Variants in TEX2 observed in about 807,000 individuals in gnomAD.
TEX2 encodes testis-expressed protein 2.
In TEX2, 53 loss-of-function variants were observed where a neutral mutation model predicts 106.9. The observed-to-expected ratio is 0.50, with a 90% CI of 0.40 to 0.62. The LOEUF (loss-of-function observed/expected upper bound fraction) is 0.62, where lower values mean the gene tolerates loss of function less well. Among genes scored for constraint, TEX2 ranks in the 20% least tolerant of loss-of-function variants. TEX2 has a pLI of 0.00. For synonymous variants in TEX2, 523 were observed against 534.8 expected, an observed-to-expected ratio of 0.98 and a Z score of 0.30; for missense variants, 1,207 against 1,379.0, an observed-to-expected ratio of 0.88 and a Z score of 1.98.
intron 1 of TEX2, chr17:64,242,422 T>C (rs1354866730): frequency 6.6e-6 from 1 of 152,124 alleles, no homozygotes; most frequent in Non-Finnish European, 1.5e-5. Context: ...TCTAATCCAG[T>C]TGCTGTAACA....
intron 1 of TEX2, among the ~76,000 whole-genome samples, chr17:64,239,424 G>A (rs1174401753): frequency 6.6e-6 from 1 of 152,044 alleles, no homozygotes; most frequent in African/African-American, 2.4e-5. Context: ...ATAACTGTTC[G>A]CAGAATTTAG....
In TEX2 at chr17:64,148,032, AAG is replaced by A. The variant is rs1195934542; in HGVS notation, c.*935_*936del. On this transcript the variant is annotated 3_prime_UTR_variant, in exon 12 of 12. Coordinates refer to ENST00000584379, the MANE Select transcript of TEX2 (RefSeq NM_001288732.2). Reference sequence around the variant, plus strand: ...TTGGTCTTGACTCTTGAAATAATTAAAGAGAGCAGTTCTCCGTTTTGGCCTTC... The same window carrying A: ...TTGGTCTTGACTCTTGAAATAATTAAAGAGCAGTTCTCCGTTTTGGCCTTC... 6.6e-5 allele frequency: 10 copies of A among 152,424 alleles called. No individual in the cohort carries two copies. The highest frequency in any genetic ancestry group is 8.8e-5 in the Non-Finnish European group (6 of 68,032). The allele number at this position is 152,424 out of a possible 1,614,324, so 9.4% of individuals were successfully genotyped here.
rs576258340 is a variant in TEX2 at position 64,233,628 on chromosome 17, C to T, written c.-25-19386G>A. ...CATACCCAGAAAGAGACAATGGAAT[C>T]ACGAGGAATTCAGGTGGAGATATAG... is the stretch of plus-strand genomic sequence containing the variant. On this transcript the variant is annotated intron_variant, in intron 1 of 11. Coordinates refer to ENST00000584379, the MANE Select transcript of TEX2 (RefSeq NM_001288732.2). Among the ~76,000 whole-genome samples the T allele has an allele frequency of 5.9e-5, 9 of 152,220 alleles. 1 individual carries two copies. The highest frequency in any genetic ancestry group is 1.4e-4 in the African/African-American group (6 of 41,544).
chr17:64,224,714 G>A (rs1198508337), intron 1 of TEX2, among the ~76,000 whole-genome samples: 17 of 151,960 alleles, frequency 1.1e-4, no homozygotes, highest in African/African-American at 1.7e-4. Context: ...TTCCACCACC[G>A]CATAGACCTT....
intron 5 of TEX2, among the ~76,000 whole-genome samples, chr17:64,186,547 T>G (rs1041569563): frequency 3.3e-5 from 5 of 152,160 alleles, no homozygotes; most frequent in African/African-American, 1.2e-4. Context: ...CCAAGGGCGG[T>G]GGCTCACGCC....
At chr17:64,247,816 T>C (rs984436053) in intron 1 of TEX2, among the ~76,000 whole-genome samples, 4 of 152,170 alleles carry the variant, frequency 2.6e-5, no homozygotes, top group South Asian at 2.1e-4. Context: ...CACACAAATA[T>C]ACATACACAA....
chr17:64,188,420 A>C lies in TEX2; in HGVS notation c.2177-5T>G. ...TGCTGTGTGCAGGCAAAAGCCCTGGAGCCAAGAAGACGGGGGCTATTCACA... is the reference window on the plus strand; with the variant it reads ...TGCTGTGTGCAGGCAAAAGCCCTGGCGCCAAGAAGACGGGGGCTATTCACA... On this transcript the variant is annotated splice_polypyrimidine_tract_variant and splice_region_variant and intron_variant, in intron 4 of 11. Coordinates refer to ENST00000584379, the MANE Select transcript of TEX2 (RefSeq NM_001288732.2). The C allele has an allele frequency of 6.2e-7, 1 of 1,614,148 alleles. No individual in the cohort carries two copies. The highest frequency in any genetic ancestry group is 2.2e-5 in the East Asian group (1 of 44,888).
At position 64,168,391 on chromosome 17, in the gene TEX2, G is replaced by A. The variant is rs182521114; in HGVS notation, c.2671+2709C>T. On this transcript the variant is annotated intron_variant, in intron 7 of 11. Transcript: ENST00000584379. ...ATTTTCTCCCTTGTTACACAAGCAG[G>A]CAAGTCTCTAAAAACGTACCCTGAA... Among the ~76,000 whole-genome samples, 124 of 152,254 alleles carry A rather than the reference G, an allele frequency of 8.1e-4. 2 individuals are homozygous for A. The highest frequency in any genetic ancestry group is 3.0e-3 in the African/African-American group (124 of 41,544).
At chr17:64,253,592 CA>C (rs1350633855) in intron 1 of TEX2, among the ~76,000 whole-genome samples, 4 of 152,156 alleles carry the variant, frequency 2.6e-5, no homozygotes, top group Admixed American at 2.6e-4. Context: ...TGGTTGTTTG[CA>C]CCAAACTAGA....
chr17:64,227,096 C>A (rs1015128874), intron 1 of TEX2, among the ~76,000 whole-genome samples: 12 of 151,900 alleles, frequency 7.9e-5, no homozygotes, highest in African/African-American at 2.7e-4. Flanking sequence ...CGTGGCGGTG[C>A]GCGCCTGTAG....
At chr17:64,260,018 A>C (rs2034262117) in intron 1 of TEX2, among the ~76,000 whole-genome samples, 1 of 152,230 alleles carries the variant, frequency 6.6e-6, no homozygotes, top group Admixed American at 6.5e-5. Flanking sequence ...AAAGAGAAGT[A>C]ATTTACCCTT....
chr17:64,203,697 G>C (rs1398252241), intron 2 of TEX2, among the ~76,000 whole-genome samples: 1 of 152,056 alleles, frequency 6.6e-6, no homozygotes, highest in African/African-American at 2.4e-5. Context: ...CTTAAGCAGG[G>C]AGTCAACATT....
rs1464970927 is a variant in TEX2, at chr17:64,147,879, A to T, written c.*1090T>A. On this transcript the variant is annotated 3_prime_UTR_variant, in exon 12 of 12. Coordinates refer to ENST00000584379, the MANE Select transcript of TEX2 (RefSeq NM_001288732.2). ...GAATGCAGCTTTAAACAATAAAAAA[A>T]TGGTATTAGGTTTACTTCTCGAAGC... 1 of 152,654 alleles carries T rather than the reference A, an allele frequency of 6.6e-6. No homozygotes were observed. Among genetic ancestry groups the T allele is most frequent in the Non-Finnish European group, 1.5e-5 (1 of 68,038 alleles). The allele number at this position is 152,654 out of a possible 1,614,324, so 9.5% of individuals were successfully genotyped here. A position where few individuals can be genotyped will look rare whatever the true frequency, so the allele number is the denominator to read the frequency against.
intron 2 of TEX2, among the ~76,000 whole-genome samples, chr17:64,197,432 T>C (rs1228768455): frequency 2.0e-5 from 3 of 152,206 alleles, no homozygotes; most frequent in African/African-American, 7.2e-5. Context: ...TTCCCTATAA[T>C]CCTGTGAATA....
intron 8 of TEX2, among the ~76,000 whole-genome samples, chr17:64,160,215 C>T (rs1451406322): frequency 6.6e-6 from 1 of 152,212 alleles, no homozygotes; most frequent in Non-Finnish European, 1.5e-5. Flanking sequence ...AATTAAGCTT[C>T]ATGAGTTACC....
At chr17:64,181,212 T>G (rs11654730) in intron 5 of TEX2, among the ~76,000 whole-genome samples, 108,457 of 151,978 alleles carry the variant, frequency 0.71, 38,803 homozygotes, top group East Asian at 0.83. Context: ...GCGTGGTGGT[T>G]CATGCCTGTA....
chr17:64,253,961 G>A (rs569201634), intron 1 of TEX2, among the ~76,000 whole-genome samples: 40 of 152,256 alleles, frequency 2.6e-4, no homozygotes, highest in African/African-American at 8.2e-4. Context: ...TGCTCTCTGC[G>A]TCTGTCTTCT....
At chr17:64,151,945 C>CT (rs1004575835) in intron 10 of TEX2, among the ~76,000 whole-genome samples, 8 of 151,930 alleles carry the variant, frequency 5.3e-5, no homozygotes, top group East Asian at 3.9e-4. Context: ...CAATCTTTCT[C>CT]TTTTTTTTAA....
intron 1 of TEX2, among the ~76,000 whole-genome samples, chr17:64,215,602 C>G (rs1329664133): frequency 6.6e-6 from 1 of 152,182 alleles, no homozygotes; most frequent in South Asian, 2.1e-4. Flanking sequence ...ACAGCTGACT[C>G]TGTGGGACTT....
Sources: gnomAD v4.1 joint callset for allele counts (sites outside exome capture counted in the v4.1 genomes callset) on GRCh38, gnomAD v4.1.1 for gene constraint, MANE v1.5 for transcripts, NCBI Gene and HGNC (gene_info 2026-07-23, HGNC 2026-07-21) for gene names.